The following NEK7 variants were observed in gnomAD, a reference collection of about 807,000 sequenced individuals.
NEK7 encodes the protein NIMA related kinase 7, also known as serine/threonine-protein kinase Nek7.
Under a neutral mutation model 44.6 loss-of-function variants are expected in NEK7, and 18 were observed. That is an observed-to-expected ratio of 0.40 (90% CI 0.28 to 0.60). The LOEUF (loss-of-function observed/expected upper bound fraction) is 0.60, where lower values mean the gene tolerates loss of function less well. Ranked by LOEUF, NEK7 falls within the 20% of genes least tolerant of loss-of-function variation. The pLI is 0.38. For synonymous variants in NEK7, 130 were observed against 121.1 expected (o/e 1.07, Z -0.48); for missense variants, 256 against 366.5 (o/e 0.70, Z 2.46).
At chr1:198,205,563 A>G (rs1026908430) in intron 1 of NEK7, among the ~76,000 whole-genome samples, 9 of 152,206 alleles carry the variant, frequency 5.9e-5, no homozygotes, top group Non-Finnish European at 1.0e-4. Flanking sequence ...ACTTGGCCCA[A>G]AATAATTAGG....
At chr1:198,171,984 A>G (rs1419423699) in intron 1 of NEK7, among the ~76,000 whole-genome samples, 1 of 152,170 alleles carries the variant, frequency 6.6e-6, no homozygotes. Flanking sequence ...GCTTCCTTAT[A>G]TTGTAAAAGT....
At chr1:198,228,777 A>G (rs1033612820) in intron 1 of NEK7, among the ~76,000 whole-genome samples, 10 of 152,168 alleles carry the variant, frequency 6.6e-5, no homozygotes, top group African/African-American at 9.7e-5. Flanking sequence ...GGCTGAGACA[A>G]TGGGGTTTCT....
intron 1 of NEK7, among the ~76,000 whole-genome samples, chr1:198,182,268 T>C (rs1664789791): frequency 6.6e-6 from 1 of 152,192 alleles, no homozygotes; most frequent in African/African-American, 2.4e-5. Flanking sequence ...TAATAATGTT[T>C]TCACCATTCT....
At position 198,278,946 on chromosome 1, in the gene NEK7, A is replaced by G; in HGVS notation, c.482-8A>G. Reference sequence around the variant, plus strand: ...CATCTTTTACCTGATCCCTTCATTTATTCACAGATATAAAACCAGCTAATG... The same window carrying G: ...CATCTTTTACCTGATCCCTTCATTTGTTCACAGATATAAAACCAGCTAATG... On this transcript the variant is annotated splice_region_variant and splice_polypyrimidine_tract_variant and intron_variant, in intron 6 of 9. Transcript: ENST00000367385. The G allele has an allele frequency of 6.7e-7, 1 of 1,497,582 alleles. No homozygotes were observed. Among genetic ancestry groups the G allele is most frequent in the Non-Finnish European group, 9.3e-7 (1 of 1,080,382 alleles). The allele number at this position is 1,497,582 out of a possible 1,614,324, so 92.8% of individuals were successfully genotyped here. A position where few individuals can be genotyped will look rare whatever the true frequency, so the allele number is the denominator to read the frequency against.
intron 7 of NEK7, among the ~76,000 whole-genome samples, chr1:198,288,851 C>T (rs1038406839): frequency 3.3e-5 from 5 of 152,140 alleles, no homozygotes; most frequent in Admixed American, 1.3e-4. Flanking sequence ...GCCTGGAGCA[C>T]AGCAACAATA....
At chr1:198,221,644 A>G (rs973073696) in intron 1 of NEK7, among the ~76,000 whole-genome samples, 3 of 151,824 alleles carry the variant, frequency 2.0e-5, no homozygotes, top group Non-Finnish European at 4.4e-5. Flanking sequence ...TGCAAAATAA[A>G]TTTTCAAAGA....
chr1:198,294,284 G>A (rs961767817), intron 8 of NEK7, among the ~76,000 whole-genome samples: 11 of 151,820 alleles, frequency 7.2e-5, no homozygotes, highest in Non-Finnish European at 1.6e-4. Flanking sequence ...ATATGTGCAC[G>A]AGATTACAAG....
intron 9 of NEK7, among the ~76,000 whole-genome samples, chr1:198,307,072 A>T (rs1655041575): frequency 6.6e-6 from 1 of 152,180 alleles, no homozygotes; most frequent in African/African-American, 2.4e-5. Context: ...ATGTAAATGT[A>T]TACCTGTTAT....
chr1:198,311,306 T>TG (rs35987611), intron 9 of NEK7, among the ~76,000 whole-genome samples: 76,941 of 150,608 alleles, frequency 0.51, 22,367 homozygotes, highest in East Asian at 0.89. Flanking sequence ...GAGACTTTGC[T>TG]AAGTTGCTTA....
At chr1:198,265,887 G>T (rs1653637503) in intron 5 of NEK7, among the ~76,000 whole-genome samples, 1 of 151,968 alleles carries the variant, frequency 6.6e-6, no homozygotes, top group Non-Finnish European at 1.5e-5. Flanking sequence ...TCTTTAAAAA[G>T]TATACATATA....
intron 2 of NEK7, among the ~76,000 whole-genome samples, chr1:198,241,747 C>T (rs967355547): frequency 6.6e-6 from 1 of 152,142 alleles, no homozygotes; most frequent in African/African-American, 2.4e-5. Context: ...CATCTGTAAA[C>T]CTCAGTTTTC....
chr1:198,251,626 T>C (rs1328708444), intron 2 of NEK7, among the ~76,000 whole-genome samples: 1 of 152,002 alleles, frequency 6.6e-6, no homozygotes, highest in African/African-American at 2.4e-5. Flanking sequence ...GTCAAGGAAT[T>C]TATCCATTTC....
chr1:198,299,259 T>G (rs893572128), intron 9 of NEK7, among the ~76,000 whole-genome samples: 1 of 152,224 alleles, frequency 6.6e-6, no homozygotes, highest in Admixed American at 6.5e-5. Flanking sequence ...AATGTTACTT[T>G]AATCTATTTA....
At chr1:198,224,614 T>A (rs1052474960) in intron 1 of NEK7, among the ~76,000 whole-genome samples, 2 of 152,168 alleles carry the variant, frequency 1.3e-5, no homozygotes, top group Admixed American at 6.5e-5. Context: ...CAATGCTTCC[T>A]TTCTAACTAA....
rs964219234 is a variant in NEK7 at position 198,255,201 on chromosome 1, G to A, written c.198+2021G>A. On this transcript the variant is annotated intron_variant, in intron 3 of 9. Transcript: ENST00000367385. Reference sequence around the variant, plus strand: ...GGAGCCAGACAGAGGAATTTGAACCGTAGGCAATTGAGGATGCATTGTGGA... The same window carrying A: ...GGAGCCAGACAGAGGAATTTGAACCATAGGCAATTGAGGATGCATTGTGGA... Among the ~76,000 whole-genome samples, 6 of 152,296 alleles carry A rather than the reference G, an allele frequency of 3.9e-5. No individual in the cohort carries two copies. In the East Asian group the frequency reaches 5.8e-4, roughly 15 times the overall value.
chr1:198,215,711 A>G (rs1452592797), intron 1 of NEK7, among the ~76,000 whole-genome samples: 3 of 152,132 alleles, frequency 2.0e-5, no homozygotes, highest in Non-Finnish European at 4.4e-5. Context: ...AAGGAGTGGA[A>G]AAAGATATTT....
At chr1:198,237,992 T>C (rs559052517) in intron 2 of NEK7, among the ~76,000 whole-genome samples, 21 of 152,300 alleles carry the variant, frequency 1.4e-4, no homozygotes, top group Admixed American at 1.4e-3. Context: ...AGGCATTCAA[T>C]AAATATTTGT....
At chr1:198,276,700 C>T (rs986796254) in intron 5 of NEK7, among the ~76,000 whole-genome samples, 1 of 151,612 alleles carries the variant, frequency 6.6e-6, no homozygotes, top group African/African-American at 2.4e-5. Flanking sequence ...AAATTTATTT[C>T]TGTAATATGT....
chr1:198,309,201 A>T (rs567525427), intron 9 of NEK7, among the ~76,000 whole-genome samples: 2 of 152,280 alleles, frequency 1.3e-5, no homozygotes, highest in African/African-American at 4.8e-5. Flanking sequence ...TAAGGCAGAC[A>T]GGTGAGAGAG....
Sources: allele counts gnomAD v4.1 joint callset (sites outside exome capture counted in the v4.1 genomes callset), GRCh38; gene constraint gnomAD v4.1.1; transcripts MANE v1.5; gene names NCBI Gene and HGNC (gene_info 2026-07-23, HGNC 2026-07-21).